TEX15: variants seen among roughly 807,000 people sequenced by gnomAD.
The protein encoded by TEX15 is testis expressed 15, meiosis and synapsis associated.
A neutral mutation model predicts 237.3 loss-of-function variants in TEX15; 171 were observed. The ratio of observed to expected loss-of-function variants is 0.72; its 90% confidence interval spans 0.64 to 0.82. The LOEUF (loss-of-function observed/expected upper bound fraction) is 0.82, where lower values mean the gene tolerates loss of function less well. Among genes scored for constraint, TEX15 ranks in the 40% least tolerant of loss-of-function variants. TEX15 has a pLI of 0.00. For synonymous variants in TEX15, 1,338 were observed against 1,269.8 expected (o/e 1.05, Z -1.14); for missense variants, 3,750 against 3,646.5 (o/e 1.03, Z -0.73).
chr8:30,874,242 C>G (rs1808355573), intron 4 of TEX15, among the ~76,000 whole-genome samples: 1 of 152,104 alleles, frequency 6.6e-6, no homozygotes, highest in Admixed American at 6.6e-5. Context: ...AAAACGAGTT[C>G]CACATGTGGG....
chr8:30,849,929 A>T (rs1279013900), intron 7 of TEX15, among the ~76,000 whole-genome samples: 2 of 152,090 alleles, frequency 1.3e-5, no homozygotes, highest in African/African-American at 4.8e-5. Context: ...GGGAAGAATA[A>T]AACTAAATAG....
chr8:30,837,099 T>C lies in TEX15; in HGVS notation c.9185A>G (p.Gln3062Arg). Residue 3062 changes from glutamine (Q) to arginine (R), a missense_variant, in exon 10 of 11, where the codon CAA becomes CGA. Gln to Arg is a conservative substitution (Grantham distance 43). Coordinates refer to ENST00000643185, the MANE Select transcript of TEX15 (RefSeq NM_001350162.2). ...SNGNAITQTY[Q>R]GITSYEVQPS... ...CTGTACTTCATATGATGTTATCCCT[T>C]GGTATGTCTGGGTAATGGCATTGCC... is the stretch of plus-strand genomic sequence containing the variant. 2 of 1,614,156 alleles carry C rather than the reference T, an allele frequency of 1.2e-6. No homozygotes were observed. The highest frequency in any genetic ancestry group is 1.7e-6 in the Non-Finnish European group (2 of 1,180,018).
rs138765505 is a variant in TEX15, at chr8:30,853,387, T to C, written c.851-4071A>G. Among the ~76,000 whole-genome samples, 22 of 152,240 alleles carry C rather than the reference T, an allele frequency of 1.4e-4. No individual in the cohort carries two copies. The East Asian group carries it at 4.1e-3, about 28-fold the overall frequency. ...CTGGCAACAGCAGAATATAGTACAA[T>C]TGGCCCTATGTATTGGTGGGTTCCA... On this transcript the variant is annotated intron_variant, in intron 7 of 10. Coordinates refer to ENST00000643185, the MANE Select transcript of TEX15 (RefSeq NM_001350162.2).
intron 10 of TEX15, among the ~76,000 whole-genome samples, chr8:30,835,458 C>T (rs1251361901): frequency 6.6e-6 from 1 of 151,826 alleles, no homozygotes; most frequent in East Asian, 1.9e-4. Context: ...CCTGTAGTTC[C>T]AGCTACTTGG....
Position 30,843,984 on chromosome 8 carries a change from G to A in TEX15, c.6183C>T (p.Cys2061=), listed in dbSNP as rs756806467. Residue 2061 remains cysteine (C), a synonymous_variant, in exon 8 of 11, where the codon TGC becomes TGT. Coordinates refer to ENST00000643185, the MANE Select transcript of TEX15 (RefSeq NM_001350162.2). The part of the protein sequence containing the change: ...LLVDQNLWNN[C]KHTLKPCAVD... ...CAGCACATGGTTTTAATGTGTGTTT[G>A]CAATTATTCCACAGGTTTTGGTCTA... The A allele has an allele frequency of 4.0e-5, 64 of 1,612,740 alleles. No homozygotes were observed. In the South Asian group the frequency reaches 6.3e-4, roughly 16 times the overall value.
intron 5 of TEX15, among the ~76,000 whole-genome samples, 186 bp from the exon 6 acceptor site, chr8:30,860,243 C>T (rs972757670): frequency 6.6e-6 from 1 of 151,992 alleles, no homozygotes; most frequent in Non-Finnish European, 1.5e-5. Flanking sequence ...ACCTCGGCCC[C>T]GTTGAGTAGC....
intron 3 of TEX15, among the ~76,000 whole-genome samples, chr8:30,882,620 G>A (rs1808555158): frequency 6.6e-6 from 1 of 152,008 alleles, no homozygotes; most frequent in Admixed American, 6.6e-5. Context: ...TGTATCTCAT[G>A]GCCCAAGATG....
intron 4 of TEX15, among the ~76,000 whole-genome samples, chr8:30,871,136 TA>T (rs1563260312): frequency 6.6e-6 from 1 of 152,054 alleles, no homozygotes; most frequent in Non-Finnish European, 1.5e-5. Context: ...CTCCTGTGAT[TA>T]AACTGAGCCC....
intron 2 of TEX15, among the ~76,000 whole-genome samples, chr8:30,889,425 C>G (rs1808735677): frequency 6.6e-6 from 1 of 151,934 alleles, no homozygotes; most frequent in Non-Finnish European, 1.5e-5. Context: ...GCACTCCAGC[C>G]TGGGAAACAG....
intron 3 of TEX15, among the ~76,000 whole-genome samples, chr8:30,875,611 A>G (rs2128773381): frequency 6.6e-6 from 1 of 152,354 alleles, no homozygotes; most frequent in Admixed American, 6.5e-5. Context: ...GCATTGTTGT[A>G]GTAAATAGAT....
Position 30,842,611 on chromosome 8 carries a change from T to C in TEX15, c.7556A>G (p.Lys2519Arg). Residue 2519 changes from lysine to arginine, a missense_variant, in exon 8 of 11, where the codon AAG becomes AGG. Lys to Arg is a conservative substitution (Grantham distance 26). Coordinates refer to ENST00000643185, the MANE Select transcript of TEX15 (RefSeq NM_001350162.2). ...TTTGCAGATAATATCCAGATCTTTC[T>C]TAAGTTCGGAAACAGCAGTCTCTAT... The part of the protein sequence containing the change: ...KVIETAVSEL[K>R]KDLDIICKYN... 1 of 1,611,382 alleles carries C rather than the reference T, an allele frequency of 6.2e-7. No homozygotes were observed. Among genetic ancestry groups the C allele is most frequent in the South Asian group, 1.1e-5 (1 of 90,990 alleles).
At position 30,845,998 on chromosome 8, in the gene TEX15, G is replaced by A; in HGVS notation, c.4169C>T (p.Ala1390Val). Residue 1390 changes from alanine (A) to valine (V), a missense_variant, in exon 8 of 11, where the codon GCT becomes GTT. By Grantham distance (64) the Ala-to-Val change is moderately conservative (BLOSUM62 0). Transcript: ENST00000643185. ...CAAAGATGTGTGAACTCTTCTATGA[G>A]CTTTTTTTAAGTGAACAACTGCTTT... ...LDKAVVHLKKAHRRVHTSLQL... is the reference protein window; with the variant it reads ...LDKAVVHLKKVHRRVHTSLQL... 1 of 1,612,862 alleles carries A rather than the reference G, an allele frequency of 6.2e-7. No individual in the cohort carries two copies.
In TEX15 at chr8:30,841,926, C is replaced by G. The variant is rs1248189327; in HGVS notation, c.8163+78G>C. 5 of 1,021,826 alleles carry G rather than the reference C, an allele frequency of 4.9e-6. No individual in the cohort carries two copies. In the Admixed American group the frequency reaches 1.4e-4, roughly 28 times the overall value. The allele number at this position is 1,021,826 out of a possible 1,614,324, so 63.3% of individuals were successfully genotyped here. A position where few individuals can be genotyped will look rare whatever the true frequency, so the allele number is the denominator to read the frequency against. On this transcript the variant is annotated intron_variant, in intron 8 of 10. Coordinates refer to ENST00000643185, the MANE Select transcript of TEX15 (RefSeq NM_001350162.2). ...ACCATTCTTAACTTTTAGAATTCTGCAAACTACTTGTTTGCTTATGAGTAG... is the reference window on the plus strand; with the variant it reads ...ACCATTCTTAACTTTTAGAATTCTGGAAACTACTTGTTTGCTTATGAGTAG...
chr8:30,867,225 A>G (rs1202687418), intron 5 of TEX15, 40 bp downstream of exon 5: 15 of 990,470 alleles, frequency 1.5e-5, no homozygotes, highest in Middle Eastern at 3.0e-4. Flanking sequence ...AATTCAAAGC[A>G]AACTGTCCAT....
Position 30,845,250 on chromosome 8 carries a change from G to C in TEX15, c.4917C>G (p.Cys1639Trp), listed in dbSNP as rs1807572038. ...SSTGNDCDAT[C>W]IGHTKAKTDV... ...CAGTTTTCGCCTTTGTGTGACCTAT[G>C]CAAGTTGCATCACAATCGTTGCCTG... Residue 1639 changes from cysteine to tryptophan, a missense_variant, in exon 8 of 11, where the codon TGC (cysteine) becomes TGG (tryptophan). By Grantham distance (215) the Cys-to-Trp change is radical. Transcript: ENST00000643185. 1 of 1,613,408 alleles carries C rather than the reference G, an allele frequency of 6.2e-7. No homozygotes were observed. The highest frequency in any genetic ancestry group is 1.3e-5 in the African/African-American group (1 of 75,020).
At chr8:30,898,276 G>A (rs147653612) in intron 2 of TEX15, among the ~76,000 whole-genome samples, 152 of 152,254 alleles carry the variant, frequency 1.0e-3, no homozygotes, top group Non-Finnish European at 1.6e-3. Flanking sequence ...ATTAAGAGGT[G>A]AGGCCTTTGG....
intron 1 of TEX15, among the ~76,000 whole-genome samples, chr8:30,911,142 CAG>C (rs1364405647): frequency 6.6e-6 from 1 of 152,022 alleles, no homozygotes; most frequent in Non-Finnish European, 1.5e-5. Context: ...TTTTTTGAGA[CAG>C]AGTCTCGCTC....
Position 30,836,852 on chromosome 8 carries a change from G to T in TEX15, c.9432C>A (p.Tyr3144Ter), listed in dbSNP as rs776295823. ...ASHQPLPQAT[Y>*]PYLPNRFVPP... The stretch of plus-strand genomic sequence containing the variant: ...GCACAAATCGATTAGGAAGGTAAGG[G>T]TATGTAGCTTGTGGTAATGGCTGAT... Residue 3144 changes from tyrosine to a stop codon, truncating the protein, a stop_gained, in exon 10 of 11, where the codon TAC (tyrosine) becomes TAA (stop). Transcript: ENST00000643185. LOFTEE classifies it high-confidence loss of function. 2.5e-6 allele frequency: 4 copies of T among 1,614,014 alleles called. No individual in the cohort carries two copies. The highest frequency in any genetic ancestry group is 3.4e-6 in the Non-Finnish European group (4 of 1,179,954).
chr8:30,850,303 C>A (rs895806501), intron 7 of TEX15, among the ~76,000 whole-genome samples: 1 of 151,930 alleles, frequency 6.6e-6, no homozygotes, highest in African/African-American at 2.4e-5. Context: ...CCTAAGAAAC[C>A]TCATGTAATA....
Sources: gnomAD v4.1 joint callset for allele counts (sites outside exome capture counted in the v4.1 genomes callset) on GRCh38, gnomAD v4.1.1 for gene constraint, MANE v1.5 for transcripts, NCBI Gene and HGNC (gene_info 2026-07-23, HGNC 2026-07-21) for gene names.